Variants in NEK11 observed in about 807,000 individuals in gnomAD.
NEK11 encodes serine/threonine-protein kinase Nek11.
A neutral mutation model predicts 80.7 loss-of-function variants in NEK11; 72 were observed. The ratio of observed to expected loss-of-function variants is 0.89; its 90% CI spans 0.74 to 1.08. NEK11 has a LOEUF of 1.08. NEK11 is among the 50% of genes least tolerant of loss of function. The probability of loss-of-function intolerance (pLI) is 0.00; values close to 1 mark genes in which losing one functional copy is unlikely to be tolerated. For missense variants in NEK11, 764 were observed against 763.6 expected, an observed-to-expected ratio of 1.00 and a Z score of -0.01; for synonymous variants, 251 against 260.7, an observed-to-expected ratio of 0.96 and a Z score of 0.36.
intron 16 of NEK11, among the ~76,000 whole-genome samples, chr3:131,265,164 A>C (rs890771904): frequency 1.3e-5 from 2 of 152,132 alleles, no homozygotes; most frequent in African/African-American, 2.4e-5. Context: ...CTGCAAACAG[A>C]GACAATTTGA....
chr3:131,310,314 T>C (rs941841135), intron 17 of NEK11, among the ~76,000 whole-genome samples: 3 of 152,176 alleles, frequency 2.0e-5, no homozygotes, highest in Non-Finnish European at 4.4e-5. Context: ...GAAAAATGGG[T>C]TCTAGGGACA....
chr3:131,304,742 A>C (rs2096704690), intron 17 of NEK11, among the ~76,000 whole-genome samples: 1 of 152,054 alleles, frequency 6.6e-6, no homozygotes, highest in Non-Finnish European at 1.5e-5. Context: ...CTGCTGCACT[A>C]GGGGGGTGTT....
intron 3 of NEK11, among the ~76,000 whole-genome samples, chr3:131,062,505 C>G (rs947076869): frequency 6.6e-6 from 1 of 152,210 alleles, no homozygotes; most frequent in African/African-American, 2.4e-5. Context: ...AATTTGCACA[C>G]TGTGGTAGCC....
At chr3:131,331,777 C>T (rs971885348) in intron 17 of NEK11, among the ~76,000 whole-genome samples, 18 of 152,188 alleles carry the variant, frequency 1.2e-4, no homozygotes, top group Admixed American at 2.0e-4. Flanking sequence ...TGCGCTTTTC[C>T]GACGGGCTTA....
At chr3:131,183,713 C>T (rs1470625156) in intron 14 of NEK11, among the ~76,000 whole-genome samples, 1 of 152,138 alleles carries the variant, frequency 6.6e-6, no homozygotes, top group East Asian at 1.9e-4. Flanking sequence ...GATTCCATGT[C>T]TTTGCTATTG....
chr3:131,117,154 A>G (rs1382086387), intron 5 of NEK11, among the ~76,000 whole-genome samples: 2 of 152,172 alleles, frequency 1.3e-5, no homozygotes, highest in Admixed American at 6.6e-5. Flanking sequence ...AATTTAATAT[A>G]AGGTGTAAGG....
chr3:131,084,646 G>T lies in NEK11; in HGVS notation c.336+4058G>T, dbSNP rs1003113911. On this transcript the variant is annotated intron_variant, in intron 4 of 17. Coordinates refer to ENST00000383366, the MANE Select transcript of NEK11 (RefSeq NM_024800.5). Reference sequence around the variant, plus strand: ...TGTGGTGGAGAGAACATATGATAGGGAAAAAGGCAGGAAATGTTGGACTTC... The same window carrying T: ...TGTGGTGGAGAGAACATATGATAGGTAAAAAGGCAGGAAATGTTGGACTTC... Among the ~76,000 whole-genome samples the T allele has an allele frequency of 5.9e-5, 9 of 152,216 alleles. No individual in the cohort carries two copies. The East Asian group carries it at 1.7e-3, about 29-fold the overall frequency.
intron 14 of NEK11, among the ~76,000 whole-genome samples, chr3:131,220,115 GTTTGT>G (rs773281972): frequency 9.9e-5 from 15 of 152,064 alleles, no homozygotes; most frequent in African/African-American, 3.4e-4. Flanking sequence ...TTGGTTTTTT[GTTTGT>G]TTTGTTTTGT....
chr3:131,056,490 A>G (rs936394151), intron 3 of NEK11, among the ~76,000 whole-genome samples: 9 of 152,214 alleles, frequency 5.9e-5, no homozygotes, highest in Admixed American at 3.3e-4. Context: ...AAAAGCATCC[A>G]GACACTCTCA....
intron 14 of NEK11, chr3:131,174,899 T>A: frequency 6.8e-7 from 1 of 1,477,504 alleles, no homozygotes; most frequent in East Asian, 2.5e-5. Flanking sequence ...GAAGTAGGCC[T>A]TGGCTGCTTA....
At chr3:131,068,541 A>G (rs1430850978) in intron 3 of NEK11, among the ~76,000 whole-genome samples, 1 of 152,128 alleles carries the variant, frequency 6.6e-6, no homozygotes, top group East Asian at 1.9e-4. Flanking sequence ...ACCACGCCCA[A>G]GCTTCTTTTT....
At chr3:131,161,785 T>C (rs768672218) in intron 10 of NEK11, among the ~76,000 whole-genome samples, 4 of 152,164 alleles carry the variant, frequency 2.6e-5, no homozygotes, top group Non-Finnish European at 5.9e-5. Context: ...CCCCTATCAC[T>C]TGAGTTTACC....
chr3:131,035,908 C>A (rs548085707), intron 3 of NEK11, among the ~76,000 whole-genome samples: 1 of 152,190 alleles, frequency 6.6e-6, no homozygotes, highest in Non-Finnish European at 1.5e-5. Flanking sequence ...CAGTGTTTAT[C>A]TACTAAATAG....
chr3:131,158,916 T>C (rs1408703798), intron 10 of NEK11, among the ~76,000 whole-genome samples: 1 of 152,124 alleles, frequency 6.6e-6, no homozygotes, highest in Non-Finnish European at 1.5e-5. Flanking sequence ...CAGGAGCACA[T>C]AGGCCCCCCC....
chr3:131,212,709 T>G (rs1200803610), intron 14 of NEK11, among the ~76,000 whole-genome samples: 1 of 152,236 alleles, frequency 6.6e-6, no homozygotes, highest in Non-Finnish European at 1.5e-5. Flanking sequence ...TAGGGACTTT[T>G]GCAGCCTGCA....
chr3:131,315,854 A>G (rs1040801474), intron 17 of NEK11, among the ~76,000 whole-genome samples: 1 of 151,750 alleles, frequency 6.6e-6, no homozygotes, highest in Non-Finnish European at 1.5e-5. Flanking sequence ...ATAGCTTCCA[A>G]CTCCATTCAT....
intron 3 of NEK11, among the ~76,000 whole-genome samples, chr3:131,051,370 A>G (rs2068385346): frequency 6.6e-6 from 1 of 152,192 alleles, no homozygotes; most frequent in Non-Finnish European, 1.5e-5. Flanking sequence ...AGTTAGTACT[A>G]ATTTTGAGCA....
At chr3:131,266,686 A>C (rs1049062835) in intron 16 of NEK11, among the ~76,000 whole-genome samples, 1 of 152,156 alleles carries the variant, frequency 6.6e-6, no homozygotes, top group Non-Finnish European at 1.5e-5. Context: ...TATTCTGTTG[A>C]TTTCGGGTGG....
At chr3:131,077,194 C>G (rs910003653) in intron 3 of NEK11, among the ~76,000 whole-genome samples, 2 of 152,080 alleles carry the variant, frequency 1.3e-5, no homozygotes, top group African/African-American at 4.8e-5. Context: ...AGTTGAGGCT[C>G]TGATAAAATA....
Sources: gnomAD v4.1 joint callset for allele counts (sites outside exome capture counted in the v4.1 genomes callset) on GRCh38, gnomAD v4.1.1 for gene constraint, MANE v1.5 for transcripts, NCBI Gene and HGNC (gene_info 2026-07-23, HGNC 2026-07-21) for gene names.